Variants in TPST1 observed in about 807,000 individuals in gnomAD.
The protein encoded by TPST1 is tyrosylprotein sulfotransferase 1.
In TPST1, 20 loss-of-function variants were observed where a neutral mutation model predicts 34.8. The ratio of observed to expected loss-of-function variants is 0.57; its 90% CI spans 0.40 to 0.84. The LOEUF (loss-of-function observed/expected upper bound fraction) is 0.84, where lower values mean the gene tolerates loss of function less well. Among genes scored for constraint, TPST1 ranks in the 40% least tolerant of loss-of-function variants. The probability of loss-of-function intolerance (pLI) is 0.00; values close to 1 mark genes in which losing one functional copy is unlikely to be tolerated. For synonymous variants in TPST1, 152 were observed against 159.4 expected, an observed-to-expected ratio of 0.95 and a Z score of 0.35; for missense variants, 353 against 455.5, an observed-to-expected ratio of 0.78 and a Z score of 2.05.
intron 1 of TPST1, among the ~76,000 whole-genome samples, chr7:66,223,571 C>T (rs747176699): frequency 2.0e-5 from 3 of 151,588 alleles, no homozygotes; most frequent in Admixed American, 6.6e-5. Flanking sequence ...TGTTCCTCAT[C>T]ATGGGTGGTC....
At chr7:66,346,288 T>C (rs1792351286) in intron 3 of TPST1, among the ~76,000 whole-genome samples, 1 of 152,168 alleles carries the variant, frequency 6.6e-6, no homozygotes, top group African/African-American at 2.4e-5. Flanking sequence ...GCAGCAAACG[T>C]GAGAATGCAG....
intron 1 of TPST1, among the ~76,000 whole-genome samples, chr7:66,233,121 T>C (rs1051926642): frequency 7.2e-5 from 11 of 152,218 alleles, no homozygotes; most frequent in Non-Finnish European, 1.5e-4. Flanking sequence ...CTCAGGCATA[T>C]AATTTGCAGA....
intron 3 of TPST1, among the ~76,000 whole-genome samples, chr7:66,319,755 A>G (rs1308869382): frequency 6.6e-6 from 1 of 152,254 alleles, no homozygotes; most frequent in Non-Finnish European, 1.5e-5. Flanking sequence ...AAGTGAGCAT[A>G]GCAAGCTTCA....
chr7:66,304,296 G>A (rs1791379073), intron 3 of TPST1, among the ~76,000 whole-genome samples: 1 of 152,192 alleles, frequency 6.6e-6, no homozygotes, highest in Non-Finnish European at 1.5e-5. Flanking sequence ...CGCTGCCAAA[G>A]TAGGACTCAG....
At chr7:66,216,747 C>T (rs903494936) in intron 1 of TPST1, among the ~76,000 whole-genome samples, 13 of 152,166 alleles carry the variant, frequency 8.5e-5, no homozygotes, top group Admixed American at 8.5e-4. Flanking sequence ...GGATTACAGG[C>T]GTAAGCCATT....
At chr7:66,201,843 A>G (rs569098695), upstream of TPST1, among the ~76,000 whole-genome samples, 1 of 137,754 alleles carries the variant, frequency 7.3e-6, no homozygotes, top group East Asian at 2.1e-4. Flanking sequence ...ACAGAATGGG[A>G]CCCTGCCTAT....
rs1344777904 is a variant in TPST1 at position 66,359,889 on chromosome 7, C to G, written c.*30-6C>G. ...CCTGTAACCACATTCTGTTTGTTCG[C>G]CCTAGGAAAGATTGCTGCCTTTTCA... On this transcript the variant is annotated splice_region_variant and splice_polypyrimidine_tract_variant and intron_variant, in intron 5 of 5. Coordinates refer to ENST00000304842, the MANE Select transcript of TPST1 (RefSeq NM_003596.4). The G allele has an allele frequency of 1.3e-5, 6 of 456,708 alleles. No individual in the cohort carries two copies. The highest frequency in any genetic ancestry group is 1.2e-4 in the Admixed American group (5 of 42,570). The allele number at this position is 456,708 out of a possible 1,614,324, so 28.3% of individuals were successfully genotyped here.
intron 2 of TPST1, among the ~76,000 whole-genome samples, chr7:66,258,414 C>T (rs1006004369): frequency 6.6e-6 from 1 of 152,178 alleles, no homozygotes; most frequent in Non-Finnish European, 1.5e-5. Flanking sequence ...TTGGGTCTTT[C>T]CTATCCACAG....
chr7:66,315,172 A>G (rs962332047), intron 3 of TPST1, among the ~76,000 whole-genome samples: 1 of 152,264 alleles, frequency 6.6e-6, no homozygotes, highest in African/African-American at 2.4e-5. Flanking sequence ...CAAAGGAATG[A>G]CTTAACACGG....
Position 66,344,967 on chromosome 7 carries a change from G to A in TPST1, c.1045-7538G>A, listed in dbSNP as rs1337901737. Among the ~76,000 whole-genome samples, 52 of 138,934 alleles carry A rather than the reference G, an allele frequency of 3.7e-4. 1 individual carries two copies. The highest frequency in any genetic ancestry group is 8.8e-4 in the African/African-American group (33 of 37,632). 91.1% of individuals were successfully genotyped at this position (138,934 alleles called of 152,430 possible). A position where few individuals can be genotyped will look rare whatever the true frequency, so the allele number is the denominator to read the frequency against. ...TCTCGATCTCCTGACCTTGTGATCCGCCCGCCTCGGCCTCCCAAAGTGCTG... is the reference window on the plus strand; with the variant it reads ...TCTCGATCTCCTGACCTTGTGATCCACCCGCCTCGGCCTCCCAAAGTGCTG... On this transcript the variant is annotated intron_variant, in intron 3 of 5. Transcript: ENST00000304842.
chr7:66,210,688 G>T (rs955961659), intron 1 of TPST1, among the ~76,000 whole-genome samples: 7 of 152,204 alleles, frequency 4.6e-5, no homozygotes, highest in Admixed American at 3.9e-4. Context: ...GGACAGCTGG[G>T]TGTGGTGGCT....
rs548820937 is a variant in TPST1, at chr7:66,333,428, G to A, written c.1045-19077G>A. On this transcript the variant is annotated intron_variant, in intron 3 of 5. Coordinates refer to ENST00000304842, the MANE Select transcript of TPST1 (RefSeq NM_003596.4). ...GTACTGTGGAAGATCGAGAAAGTGC[G>A]TTAGGTTGTTAGACAAAAGACCCAG... 3.3e-5 allele frequency among the ~76,000 whole-genome samples: 5 copies of A among 152,252 alleles called. 1 individual carries two copies. Among genetic ancestry groups the A allele is most frequent in the Admixed American group, 1.3e-4 (2 of 15,284 alleles).
At position 66,246,345 on chromosome 7, in the gene TPST1, A is replaced by G. The variant is rs1234330391; in HGVS notation, c.845+5075A>G. 2.0e-5 allele frequency among the ~76,000 whole-genome samples: 3 copies of G among 151,780 alleles called. No homozygotes were observed. The East Asian group carries it at 5.8e-4, about 29-fold the overall frequency. ...CATGCCCAGCCTCCTTTTACAAGCT[A>G]TATTGAAGAGAGAAGTGACTGAGAC... is the stretch of plus-strand genomic sequence containing the variant. On this transcript the variant is annotated intron_variant, in intron 2 of 5. Coordinates refer to ENST00000304842, the MANE Select transcript of TPST1 (RefSeq NM_003596.4).
intron 3 of TPST1, among the ~76,000 whole-genome samples, chr7:66,328,476 G>A (rs901633421): frequency 1.9e-4 from 29 of 152,060 alleles, no homozygotes; most frequent in Admixed American, 5.2e-4. Flanking sequence ...ATTTACCCTG[G>A]CCTTTGTTAC....
intron 1 of TPST1, among the ~76,000 whole-genome samples, chr7:66,235,405 T>G (rs558536045): frequency 6.6e-6 from 1 of 152,296 alleles, no homozygotes; most frequent in South Asian, 2.1e-4. Context: ...CTAGTCTTTG[T>G]GATTCTTTGT....
intron 1 of TPST1, among the ~76,000 whole-genome samples, chr7:66,215,659 C>T (rs1789385369): frequency 6.6e-6 from 1 of 151,806 alleles, no homozygotes; most frequent in Non-Finnish European, 1.5e-5. Context: ...AGGCGTGAGC[C>T]ACCGCGCCCA....
At chr7:66,283,405 G>A (rs1790972367) in intron 2 of TPST1, among the ~76,000 whole-genome samples, 1 of 152,110 alleles carries the variant, frequency 6.6e-6, no homozygotes, top group Admixed American at 6.5e-5. Flanking sequence ...GGTTGACAAA[G>A]TTTTTTTGTA....
At chr7:66,202,003 A>G (rs1229706861), upstream of TPST1, among the ~76,000 whole-genome samples, 1 of 152,148 alleles carries the variant, frequency 6.6e-6, no homozygotes, top group East Asian at 1.9e-4. Flanking sequence ...CACTGTTACC[A>G]ATTTAATGTG....
chr7:66,274,710 A>G (rs1790771801), intron 2 of TPST1, among the ~76,000 whole-genome samples: 1 of 152,192 alleles, frequency 6.6e-6, no homozygotes, highest in African/African-American at 2.4e-5. Flanking sequence ...GTTAATATCC[A>G]AAATATATAA....
Sources: gnomAD v4.1 joint callset for allele counts (sites outside exome capture counted in the v4.1 genomes callset) on GRCh38, gnomAD v4.1.1 for gene constraint, MANE v1.5 for transcripts, NCBI Gene and HGNC (gene_info 2026-07-23, HGNC 2026-07-21) for gene names.